The following NRXN1 variants were observed in gnomAD, a reference collection of about 807,000 sequenced individuals.
The protein encoded by NRXN1 is neurexin 1, also known as neurexin-1.
In NRXN1, 39 loss-of-function variants were observed where a neutral mutation model predicts 150.9. The observed-to-expected ratio is 0.26, with a 90% CI of 0.20 to 0.34. The LOEUF is 0.34. Ranked by LOEUF, NRXN1 falls within the 10% of genes least tolerant of loss-of-function variation. The pLI is 1.00. For synonymous variants in NRXN1, 924 were observed against 757.0 expected (o/e 1.22, Z -3.62); for missense variants, 1,815 against 1,949.9 (o/e 0.93, Z 1.30).
intron 19 of NRXN1, among the ~76,000 whole-genome samples, chr2:50,079,859 A>T (rs1042957954): frequency 6.6e-5 from 10 of 152,088 alleles, no homozygotes; most frequent in African/African-American, 9.7e-5. Flanking sequence ...TTCTTCCCAT[A>T]ATAATGAACG....
intron 18 of NRXN1, among the ~76,000 whole-genome samples, chr2:50,137,869 T>C (rs755082005): frequency 5.3e-5 from 8 of 152,224 alleles, no homozygotes; most frequent in Non-Finnish European, 1.0e-4. Context: ...AAACAAACTA[T>C]GGTTGTTTCA....
In NRXN1 at chr2:50,719,385, G is replaced by A. The variant is rs1339800328; in HGVS notation, c.833-95770C>T. ...AAATATCTTATTTAAAATAAGTTTC[G>A]TTTTCCGGCTGGGTGCGGTGGCTCA... On this transcript the variant is annotated intron_variant, in intron 5 of 22. Transcript: ENST00000401669. Among the ~76,000 whole-genome samples, 9 of 151,730 alleles carry A rather than the reference G, an allele frequency of 5.9e-5. 1 individual carries two copies. The highest frequency in any genetic ancestry group is 1.9e-4 in the East Asian group (1 of 5,184).
intron 17 of NRXN1, among the ~76,000 whole-genome samples, chr2:50,259,588 A>AT (rs2068047454): frequency 6.6e-6 from 1 of 151,832 alleles, no homozygotes; most frequent in Admixed American, 6.6e-5. Flanking sequence ...TCTTTTGTAG[A>AT]TTTTTGCCAA....
chr2:50,163,963 C>T (rs1365801310), intron 18 of NRXN1, among the ~76,000 whole-genome samples: 1 of 152,146 alleles, frequency 6.6e-6, no homozygotes, highest in African/African-American at 2.4e-5. Flanking sequence ...TCTTTGGAAA[C>T]CAAATCCATC....
intron 15 of NRXN1, among the ~76,000 whole-genome samples, chr2:50,484,324 T>C (rs1003447670): frequency 6.6e-6 from 1 of 152,198 alleles, no homozygotes; most frequent in Non-Finnish European, 1.5e-5. Flanking sequence ...ATATTATTAA[T>C]ACCAATAAGG....
chr2:50,813,026 C>A (rs991129792), intron 5 of NRXN1, among the ~76,000 whole-genome samples: 1 of 151,902 alleles, frequency 6.6e-6, no homozygotes, highest in African/African-American at 2.4e-5. Context: ...CTCACCTGTA[C>A]AATAACATAT....
chr2:50,523,136 C>T (rs1021736420), intron 12 of NRXN1, among the ~76,000 whole-genome samples: 7 of 55,932 alleles, frequency 1.3e-4, no homozygotes, highest in Non-Finnish European at 2.5e-4. Flanking sequence ...TTACATTTTA[C>T]ATGCAATTTT....
intron 18 of NRXN1, among the ~76,000 whole-genome samples, chr2:50,165,434 C>T (rs2059618896): frequency 6.6e-6 from 1 of 152,152 alleles, no homozygotes; most frequent in African/African-American, 2.4e-5. Context: ...CCGCAACCTC[C>T]GCCTGCCGAG....
At chr2:50,004,278 A>C (rs1336497103) in intron 21 of NRXN1, among the ~76,000 whole-genome samples, 1 of 152,064 alleles carries the variant, frequency 6.6e-6, no homozygotes, top group Non-Finnish European at 1.5e-5. Flanking sequence ...TTTATAATAA[A>C]ATATTTGTGG....
At chr2:50,173,283 C>G (rs12994146) in intron 18 of NRXN1, among the ~76,000 whole-genome samples, 17,147 of 152,148 alleles carry the variant, frequency 0.11, 1,020 homozygotes, top group East Asian at 0.18. Context: ...ATGAAAGCAA[C>G]TTAAGTCTCA....
intron 5 of NRXN1, among the ~76,000 whole-genome samples, chr2:50,796,867 C>T (rs1029939767): frequency 6.6e-6 from 1 of 152,128 alleles, no homozygotes; most frequent in African/African-American, 2.4e-5. Flanking sequence ...TTATTGTTCT[C>T]AGTTTTGGAA....
intron 2 of NRXN1, among the ~76,000 whole-genome samples, chr2:51,008,809 T>C (rs947549379): frequency 6.6e-6 from 1 of 151,808 alleles, no homozygotes; most frequent in Non-Finnish European, 1.5e-5. Context: ...CTTGTAGTCA[T>C]ATACTTCTAT....
At chr2:50,950,831 T>G (rs1691210141) in intron 2 of NRXN1, among the ~76,000 whole-genome samples, 1 of 152,228 alleles carries the variant, frequency 6.6e-6, no homozygotes, top group Admixed American at 6.5e-5. Flanking sequence ...ACAATAGCTT[T>G]AGTTCTAATT....
intron 5 of NRXN1, among the ~76,000 whole-genome samples, chr2:50,847,704 A>T (rs553132703): frequency 6.6e-6 from 1 of 152,304 alleles, no homozygotes; most frequent in South Asian, 2.1e-4. Flanking sequence ...GGACGGCGAG[A>T]GAACATCGAG....
At chr2:50,918,410 T>C (rs945047724) in intron 5 of NRXN1, 58 of 312,284 alleles carry the variant, frequency 1.9e-4, no homozygotes, top group African/African-American at 8.8e-4. Flanking sequence ...GCTTACACTC[T>C]ACTAGGAAAA....
At chr2:51,027,435 G>A (rs946009287) in intron 2 of NRXN1, 67 bp downstream of exon 2, 1 of 1,445,188 alleles carries the variant, frequency 6.9e-7, no homozygotes, top group Non-Finnish European at 9.1e-7. Context: ...CCATGCACCA[G>A]CCCGGTCCCC....
chr2:49,940,706 A>G (rs1671834461), intron 22 of NRXN1, among the ~76,000 whole-genome samples: 1 of 152,242 alleles, frequency 6.6e-6, no homozygotes, highest in African/African-American at 2.4e-5. Flanking sequence ...CCACCTTCAT[A>G]TGAAGCATTA....
intron 8 of NRXN1, among the ~76,000 whole-genome samples, chr2:50,556,987 G>T (rs1668350791): frequency 6.6e-6 from 1 of 152,062 alleles, no homozygotes; most frequent in African/African-American, 2.4e-5. Flanking sequence ...CCCCTTTCTG[G>T]CTTTCTCCTG....
At chr2:49,926,241 G>A (rs1404258489) in intron 22 of NRXN1, 1 of 397,490 alleles carries the variant, frequency 2.5e-6, no homozygotes, top group Non-Finnish European at 4.4e-6. Flanking sequence ...TTAGCCAAAT[G>A]GCTATAGAAA....
Sources: gnomAD v4.1 joint callset for allele counts (sites outside exome capture counted in the v4.1 genomes callset) on GRCh38, gnomAD v4.1.1 for gene constraint, MANE v1.5 for transcripts, NCBI Gene and HGNC (gene_info 2026-07-23, HGNC 2026-07-21) for gene names.